MB21D2: variants seen among roughly 807,000 people sequenced by gnomAD.
The protein encoded by MB21D2 is nucleotidyltransferase MB21D2.
Under a neutral mutation model 33.3 loss-of-function variants are expected in MB21D2, and 9 were observed. The observed-to-expected ratio is 0.27, with a 90% CI of 0.16 to 0.47. The LOEUF (loss-of-function observed/expected upper bound fraction) is 0.47, where lower values mean the gene tolerates loss of function less well. MB21D2 is among the 20% of genes least tolerant of loss of function. The pLI, the probability that MB21D2 is intolerant of heterozygous loss-of-function variation, is 0.99. For synonymous variants in MB21D2, 241 were observed against 236.3 expected (o/e 1.02, Z -0.18); for missense variants, 540 against 624.6 (o/e 0.86, Z 1.44).
intron 1 of MB21D2, among the ~76,000 whole-genome samples, chr3:192,912,078 A>G (rs1332000320): frequency 9.2e-5 from 14 of 152,194 alleles, no homozygotes; most frequent in Non-Finnish European, 1.5e-4. Context: ...AGTGCCTAAA[A>G]ATATGGTAGG....
chr3:192,877,654 T>C (rs993381760), intron 1 of MB21D2, among the ~76,000 whole-genome samples: 10 of 152,224 alleles, frequency 6.6e-5, no homozygotes, highest in Admixed American at 3.9e-4. Flanking sequence ...ATTTGACATA[T>C]ATACTGTACA....
chr3:192,907,415 AC>A (rs757078944), intron 1 of MB21D2, among the ~76,000 whole-genome samples: 1 of 152,078 alleles, frequency 6.6e-6, no homozygotes, highest in Non-Finnish European at 1.5e-5. Flanking sequence ...TATAGAATCA[AC>A]CCCCTCAACC....
chr3:192,828,291 CA>C (rs1328851521), intron 1 of MB21D2, among the ~76,000 whole-genome samples: 14 of 151,700 alleles, frequency 9.2e-5, no homozygotes, highest in African/African-American at 3.2e-4. Context: ...AAGGGCAGCA[CA>C]GTGAAGTGTG....
At position 192,837,110 on chromosome 3, in the gene MB21D2, T is replaced by A. The variant is rs903095827; in HGVS notation, c.212-37460A>T. Among the ~76,000 whole-genome samples, 3 of 152,266 alleles carry A rather than the reference T, an allele frequency of 2.0e-5. No individual in the cohort carries two copies. In the South Asian group the frequency reaches 6.2e-4, roughly 32 times the overall value. Reference sequence around the variant, plus strand: ...AACTAAAAAATACATGTTTAAAATATGCCCTGTTTGAGTCCAGAACTATGT... The same window carrying A: ...AACTAAAAAATACATGTTTAAAATAAGCCCTGTTTGAGTCCAGAACTATGT... On this transcript the variant is annotated intron_variant, in intron 1 of 1. Transcript: ENST00000392452.
At chr3:192,898,224 AT>A (rs34727233) in intron 1 of MB21D2, among the ~76,000 whole-genome samples, 13,018 of 142,832 alleles carry the variant, frequency 0.091, 565 homozygotes, top group African/African-American at 0.13. Flanking sequence ...AATCTCACGT[AT>A]TTTTTTTTTT....
intron 1 of MB21D2, among the ~76,000 whole-genome samples, chr3:192,884,852 G>A (rs1713698076): frequency 3.3e-5 from 5 of 151,956 alleles, no homozygotes; most frequent in African/African-American, 9.7e-5. Flanking sequence ...CTGAATACGT[G>A]GACAAATCCA....
intron 1 of MB21D2, among the ~76,000 whole-genome samples, chr3:192,884,600 C>T (rs1197760988): frequency 1.3e-5 from 2 of 151,998 alleles, no homozygotes; most frequent in Admixed American, 6.5e-5. Context: ...ATCTCCTGAC[C>T]TCGTGATCTG....
intron 1 of MB21D2, among the ~76,000 whole-genome samples, chr3:192,807,471 T>C (rs1323666998): frequency 1.3e-5 from 2 of 152,132 alleles, no homozygotes; most frequent in East Asian, 3.9e-4. Context: ...ATGGAGATGC[T>C]CTGAATGAAG....
At chr3:192,860,059 A>G (rs1713006267) in intron 1 of MB21D2, among the ~76,000 whole-genome samples, 1 of 152,238 alleles carries the variant, frequency 6.6e-6, no homozygotes, top group South Asian at 2.1e-4. Flanking sequence ...TGTCCCCAAA[A>G]TTACAGGCCT....
At chr3:192,897,961 T>A (rs1714013523) in intron 1 of MB21D2, among the ~76,000 whole-genome samples, 2 of 150,232 alleles carry the variant, frequency 1.3e-5, no homozygotes, top group South Asian at 4.2e-4. Flanking sequence ...CCTGTCTCAA[T>A]AAAAAAAAAA....
chr3:192,839,318 CT>C (rs1339110510), intron 1 of MB21D2, among the ~76,000 whole-genome samples: 1 of 152,150 alleles, frequency 6.6e-6, no homozygotes, highest in Non-Finnish European at 1.5e-5. Context: ...GCAAAACAGC[CT>C]TCTGTTTCTC....
chr3:192,798,335 C>T lies in MB21D2; in HGVS notation c.*51G>A, dbSNP rs376684993. 98 of 1,572,904 alleles carry T rather than the reference C, an allele frequency of 6.2e-5. 1 individual carries two copies. The African/African-American group carries it at 7.4e-4, about 12-fold the overall frequency. ...CAGAAAGATAGCATCACAAACCACACGACACATTATCAGAGTTTAAGAATC... is the reference window on the plus strand; with the variant it reads ...CAGAAAGATAGCATCACAAACCACATGACACATTATCAGAGTTTAAGAATC... On this transcript the variant is annotated 3_prime_UTR_variant, in exon 2 of 2. Coordinates refer to ENST00000392452, the MANE Select transcript of MB21D2 (RefSeq NM_178496.4). This position sits in a 1 kb window ranked among gnomAD's most constrained non-coding sequence, Gnocchi z 4.8.
chr3:192,828,900 C>T (rs1402705935), intron 1 of MB21D2, among the ~76,000 whole-genome samples: 5 of 151,444 alleles, frequency 3.3e-5, no homozygotes, highest in Non-Finnish European at 7.4e-5. Context: ...CCACCCGCCT[C>T]GGCCTTCCAA....
intron 1 of MB21D2, among the ~76,000 whole-genome samples, chr3:192,905,296 C>A (rs114356362): frequency 1.3e-5 from 2 of 152,074 alleles, no homozygotes; most frequent in African/African-American, 4.8e-5. Context: ...TAAATTATTG[C>A]CAGCTTGGGC....
Position 192,799,758 on chromosome 3 carries a change from A to C in MB21D2, c.212-108T>G. On this transcript the variant is annotated intron_variant, in intron 1 of 1. Coordinates refer to ENST00000392452, the MANE Select transcript of MB21D2 (RefSeq NM_178496.4). The surrounding 1 kb of genome is among the most constrained non-coding windows in gnomAD (Gnocchi z 4.1). ...GTTCCAAGAACCAAAACTCATTATC[A>C]GTACTAAATCAAATCTCAGGCTGCT... The C allele has an allele frequency of 8.3e-7, 1 of 1,207,568 alleles. No homozygotes were observed. The highest frequency in any genetic ancestry group is 2.0e-4 in the Middle Eastern group (1 of 4,988). The allele number at this position is 1,207,568 out of a possible 1,614,324, so 74.8% of individuals were successfully genotyped here.
chr3:192,908,399 CT>C (rs201114331), intron 1 of MB21D2, among the ~76,000 whole-genome samples: 6,102 of 137,754 alleles, frequency 0.044, 314 homozygotes, highest in African/African-American at 0.14. Flanking sequence ...AAATTTTCTT[CT>C]TTTTTTTTTT....
intron 1 of MB21D2, among the ~76,000 whole-genome samples, chr3:192,900,310 C>G (rs1253494755): frequency 8.1e-6 from 1 of 122,874 alleles, no homozygotes; most frequent in Non-Finnish European, 1.7e-5. Context: ...AAAAAAAAAT[C>G]ACAGAAAGTG....
At chr3:192,824,516 TAA>T (rs1712127449) in intron 1 of MB21D2, among the ~76,000 whole-genome samples, 1 of 151,494 alleles carries the variant, frequency 6.6e-6, no homozygotes, top group Non-Finnish European at 1.5e-5. Context: ...AATAAATAAA[TAA>T]ATAAATAAAT....
intron 1 of MB21D2, among the ~76,000 whole-genome samples, chr3:192,824,265 G>A (rs188315710): frequency 6.6e-6 from 1 of 152,208 alleles, no homozygotes; most frequent in Admixed American, 6.5e-5. Context: ...GCTCAAGTAG[G>A]TTGGGAGATG....
Sources: allele counts gnomAD v4.1 joint callset (sites outside exome capture counted in the v4.1 genomes callset), GRCh38; gene constraint gnomAD v4.1.1; non-coding constraint Gnocchi (gnomAD v3.1); transcripts MANE v1.5; gene names NCBI Gene and HGNC (gene_info 2026-07-23, HGNC 2026-07-21).